MGAT4A: variants seen among roughly 807,000 people sequenced by gnomAD.
MGAT4A encodes the protein N-acetylglucosaminyltransferase IVa.
In MGAT4A, 33 loss-of-function variants were observed where a neutral mutation model predicts 74.1. That is an observed-to-expected ratio of 0.45 (90% CI 0.34 to 0.60). The LOEUF (loss-of-function observed/expected upper bound fraction) is 0.60, where lower values mean the gene tolerates loss of function less well. Ranked by LOEUF, MGAT4A falls within the 20% of genes least tolerant of loss-of-function variation. MGAT4A has a pLI of 0.02. For synonymous variants in MGAT4A, 198 were observed against 210.4 expected, an observed-to-expected ratio of 0.94 and a Z score of 0.51; for missense variants, 479 against 628.3, an observed-to-expected ratio of 0.76 and a Z score of 2.54.
rs1701124948 is a variant in MGAT4A, at chr2:98,625,102, A to C, written c.*464T>G. 2.2e-6 allele frequency: 2 copies of C among 906,626 alleles called. No individual in the cohort carries two copies. Among genetic ancestry groups the C allele is most frequent in the South Asian group, 1.0e-4 (2 of 20,058 alleles). 56.2% of individuals were successfully genotyped at this position (906,626 alleles called of 1,614,324 possible). A position where few individuals can be genotyped will look rare whatever the true frequency, so the allele number is the denominator to read the frequency against. On this transcript the variant is annotated 3_prime_UTR_variant, in exon 16 of 16. Transcript: ENST00000393487. ...TACTGCACAAAAATATGTACTTCTTAAGTGTTTCTAATAAATTAATTCCAT... is the reference window on the plus strand; with the variant it reads ...TACTGCACAAAAATATGTACTTCTTCAGTGTTTCTAATAAATTAATTCCAT...
At chr2:98,634,494 T>C (rs913476449) in intron 14 of MGAT4A, among the ~76,000 whole-genome samples, 1 of 151,656 alleles carries the variant, frequency 6.6e-6, no homozygotes, top group African/African-American at 2.4e-5. Flanking sequence ...AGGGATCAGA[T>C]AACAAAAAGG....
At chr2:98,705,523 T>C (rs984779099) in intron 2 of MGAT4A, among the ~76,000 whole-genome samples, 1 of 152,230 alleles carries the variant, frequency 6.6e-6, no homozygotes, top group Non-Finnish European at 1.5e-5. Flanking sequence ...TACTCTCAAG[T>C]GCCCTGCTCT....
At chr2:98,692,011 A>ATG (rs1448293694) in intron 2 of MGAT4A, among the ~76,000 whole-genome samples, 1 of 152,234 alleles carries the variant, frequency 6.6e-6, no homozygotes, top group East Asian at 1.9e-4. Flanking sequence ...TGGTTATACA[A>ATG]TGTGTTTGTG....
Position 98,624,529 on chromosome 2 carries a change from C to T in MGAT4A, c.*1037G>A. 1.0e-6 allele frequency: 1 copy of T among 973,256 alleles called. No individual in the cohort carries two copies. Among genetic ancestry groups the T allele is most frequent in the Non-Finnish European group, 1.2e-6 (1 of 818,914 alleles). The allele number at this position is 973,256 out of a possible 1,614,324, so 60.3% of individuals were successfully genotyped here. A position where few individuals can be genotyped will look rare whatever the true frequency, so the allele number is the denominator to read the frequency against. On this transcript the variant is annotated 3_prime_UTR_variant, in exon 16 of 16. Transcript: ENST00000393487. ...TATATTTCACCAAAAAACAATATTA[C>T]AATTTTCTTTAAAATTATACCAATT...
Position 98,619,536 on chromosome 2 carries a change from C to A in MGAT4A, c.*6030G>T, listed in dbSNP as rs1475699252. 1.3e-5 allele frequency: 2 copies of A among 152,152 alleles called. No homozygotes were observed. The highest frequency in any genetic ancestry group is 2.4e-5 in the African/African-American group (1 of 41,440). 9.4% of individuals were successfully genotyped at this position (152,152 alleles called of 1,614,324 possible). A position where few individuals can be genotyped will look rare whatever the true frequency, so the allele number is the denominator to read the frequency against. On this transcript the variant is annotated 3_prime_UTR_variant, in exon 16 of 16. Transcript: ENST00000393487. ...TTCCATAAATGAAACACAATTGTTA[C>A]ACTTTGCTGATTTCTAAATCTTTCT...
At position 98,623,323 on chromosome 2, in the gene MGAT4A, C is replaced by T; in HGVS notation, c.*2243G>A. 1 of 985,460 alleles carries T rather than the reference C, an allele frequency of 1.0e-6. No individual in the cohort carries two copies. The highest frequency in any genetic ancestry group is 5.2e-4 in the Middle Eastern group (1 of 1,914). 61.0% of individuals were successfully genotyped at this position (985,460 alleles called of 1,614,324 possible). Reference sequence around the variant, plus strand: ...TTTAAAGAAGTTGTAACAAATCACACCAGGTGCTGCAATAACTTTCTCCTC... The same window carrying T: ...TTTAAAGAAGTTGTAACAAATCACATCAGGTGCTGCAATAACTTTCTCCTC... On this transcript the variant is annotated 3_prime_UTR_variant, in exon 16 of 16. Coordinates refer to ENST00000393487, the MANE Select transcript of MGAT4A (RefSeq NM_012214.3).
rs1173914473 is a variant in MGAT4A at position 98,619,921 on chromosome 2, C to T, written c.*5645G>A. On this transcript the variant is annotated 3_prime_UTR_variant, in exon 16 of 16. Coordinates refer to ENST00000393487, the MANE Select transcript of MGAT4A (RefSeq NM_012214.3). ...CACTTTTTTTTTTCCACAATTTTGA[C>T]TGCAACATTAACAGTGGGAATGTTA... is the stretch of plus-strand genomic sequence containing the variant. The T allele has an allele frequency of 2.6e-5, 4 of 152,240 alleles. No individual in the cohort carries two copies. The Middle Eastern group carries it at 0.01, about 388-fold the overall frequency. The allele number at this position is 152,240 out of a possible 1,614,324, so 9.4% of individuals were successfully genotyped here.
chr2:98,644,945 T>C (rs1052770607), intron 9 of MGAT4A, among the ~76,000 whole-genome samples: 4 of 152,224 alleles, frequency 2.6e-5, no homozygotes, highest in Non-Finnish European at 5.9e-5. Flanking sequence ...ACTTTAAACA[T>C]ATTCTTAAGC....
chr2:98,632,642 C>T (rs1388524119), intron 14 of MGAT4A, among the ~76,000 whole-genome samples: 2 of 152,244 alleles, frequency 1.3e-5, no homozygotes, highest in Admixed American at 6.5e-5. Context: ...GCCTGCCTCT[C>T]CATTGGGCAC....
At chr2:98,640,570 C>T (rs1701392085) in intron 10 of MGAT4A, among the ~76,000 whole-genome samples, 1 of 152,166 alleles carries the variant, frequency 6.6e-6, no homozygotes, top group African/African-American at 2.4e-5. Context: ...CACCACTGCA[C>T]TCCAGCCTGG....
chr2:98,623,044 G>C lies in MGAT4A; in HGVS notation c.*2522C>G. The C allele has an allele frequency of 1.0e-6, 1 of 985,626 alleles. No individual in the cohort carries two copies. The highest frequency in any genetic ancestry group is 1.2e-6 in the Non-Finnish European group (1 of 830,162). 61.1% of individuals were successfully genotyped at this position (985,626 alleles called of 1,614,324 possible). A position where few individuals can be genotyped will look rare whatever the true frequency, so the allele number is the denominator to read the frequency against. On this transcript the variant is annotated 3_prime_UTR_variant, in exon 16 of 16. Coordinates refer to ENST00000393487, the MANE Select transcript of MGAT4A (RefSeq NM_012214.3). ...AAAATAATACAAAATGATAAAAAGA[G>C]AAAGAGGAGGGCAGGCTGGAATAAT...
In MGAT4A at chr2:98,621,357, C is replaced by G. The variant is rs1049630791; in HGVS notation, c.*4209G>C. 4 of 1,530,142 alleles carry G rather than the reference C, an allele frequency of 2.6e-6. No homozygotes were observed. The highest frequency in any genetic ancestry group is 2.5e-5 in the South Asian group (2 of 81,544). 94.8% of individuals were successfully genotyped at this position (1,530,142 alleles called of 1,614,324 possible). Reference sequence around the variant, plus strand: ...GGCTGTAGGACTGCAGTTCCCAGCTCCTTTGCTGTTAGCCAAGGCCTCTCT... The same window carrying G: ...GGCTGTAGGACTGCAGTTCCCAGCTGCTTTGCTGTTAGCCAAGGCCTCTCT... On this transcript the variant is annotated 3_prime_UTR_variant, in exon 16 of 16. Coordinates refer to ENST00000393487, the MANE Select transcript of MGAT4A (RefSeq NM_012214.3).
chr2:98,624,429 C>G lies in MGAT4A; in HGVS notation c.*1137G>C. 3.1e-6 allele frequency: 3 copies of G among 963,814 alleles called. No homozygotes were observed. The highest frequency in any genetic ancestry group is 5.3e-4 in the Middle Eastern group (1 of 1,882). 59.7% of individuals were successfully genotyped at this position (963,814 alleles called of 1,614,324 possible). On this transcript the variant is annotated 3_prime_UTR_variant, in exon 16 of 16. Transcript: ENST00000393487. ...ATAGCGTGTTTAAGAGTAATAAATA[C>G]AGTCTCTTGGACACGGGACTCACTT...
intron 2 of MGAT4A, among the ~76,000 whole-genome samples, chr2:98,704,756 C>A (rs927901523): frequency 6.6e-5 from 10 of 151,832 alleles, no homozygotes; most frequent in African/African-American, 2.4e-4. Flanking sequence ...GGCAACAGAG[C>A]CAGATCCTGC....
intron 2 of MGAT4A, among the ~76,000 whole-genome samples, chr2:98,724,981 A>C (rs1276694341): frequency 6.6e-6 from 1 of 152,240 alleles, no homozygotes; most frequent in Non-Finnish European, 1.5e-5. Flanking sequence ...TGGCTGAGGC[A>C]CAAGAATTGC....
Position 98,624,837 on chromosome 2 carries a change from G to A in MGAT4A, c.*729C>T, listed in dbSNP as rs1701120901. On this transcript the variant is annotated 3_prime_UTR_variant, in exon 16 of 16. Transcript: ENST00000393487. ...AGTATAGTAAAGTAACCCTCAGGAA[G>A]GACATTAGTCTTTAAAATCTTGGCT... is the stretch of plus-strand genomic sequence containing the variant. 1 of 985,332 alleles carries A rather than the reference G, an allele frequency of 1.0e-6. No individual in the cohort carries two copies. Among genetic ancestry groups the A allele is most frequent in the African/African-American group, 1.7e-5 (1 of 57,216 alleles). The allele number at this position is 985,332 out of a possible 1,614,324, so 61.0% of individuals were successfully genotyped here.
intron 14 of MGAT4A, among the ~76,000 whole-genome samples, chr2:98,628,632 A>G (rs115992231): frequency 7.2e-5 from 11 of 152,348 alleles, no homozygotes; most frequent in African/African-American, 2.6e-4. Context: ...ATTTAGCCTA[A>G]TAACGTACAG....
intron 14 of MGAT4A, 36 bp downstream of exon 14, chr2:98,635,186 G>A (rs779703594): frequency 5.3e-6 from 8 of 1,512,456 alleles, no homozygotes; most frequent in Non-Finnish European, 7.2e-6. Flanking sequence ...AGTAAGTCCA[G>A]AAAAATAAAG....
At chr2:98,634,260 G>A (rs747738459) in intron 14 of MGAT4A, among the ~76,000 whole-genome samples, 4 of 152,146 alleles carry the variant, frequency 2.6e-5, no homozygotes, top group Non-Finnish European at 5.9e-5. Flanking sequence ...AGGCACATAC[G>A]GGGGGATCTG....
Sources: allele counts gnomAD v4.1 joint callset (sites outside exome capture counted in the v4.1 genomes callset), GRCh38; gene constraint gnomAD v4.1.1; transcripts MANE v1.5; gene names NCBI Gene and HGNC (gene_info 2026-07-23, HGNC 2026-07-21).